NIPBL: variants seen among roughly 807,000 people sequenced by gnomAD.
NIPBL encodes NIPBL cohesin loading factor.
NIPBL carries 19 observed loss-of-function variants against 321.8 expected under a neutral mutation model. The observed-to-expected ratio is 0.06, with a 90% CI of 0.04 to 0.09. The LOEUF is 0.09. Ranked by LOEUF, NIPBL falls within the 10% of genes least tolerant of loss-of-function variation. The pLI is 1.00. For missense variants in NIPBL, 2,210 were observed against 3,327.0 expected (o/e 0.66, Z 8.26); for synonymous variants, 1,106 against 1,114.1 (o/e 0.99, Z 0.14).
intron 46 of NIPBL, 119 bp downstream of exon 46, chr5:37,064,097 C>T: frequency 1.4e-6 from 2 of 1,468,824 alleles, no homozygotes; most frequent in Non-Finnish European, 1.8e-6. Flanking sequence ...AAAGAGAAAA[C>T]ATTTTGTAGA....
chr5:37,008,128 TA>T, intron 19 of NIPBL, 40 bp downstream of exon 19: 2 of 1,270,932 alleles, frequency 1.6e-6, no homozygotes, highest in Non-Finnish European at 2.3e-6. Flanking sequence ...ACCCCACAAA[TA>T]AAACAATATT....
chr5:36,952,583 G>A (rs1740513989), intron 1 of NIPBL, among the ~76,000 whole-genome samples: 1 of 152,100 alleles, frequency 6.6e-6, no homozygotes, highest in South Asian at 2.1e-4. Flanking sequence ...AAAAATTTGG[G>A]GGCTTGGAAC....
intron 11 of NIPBL, among the ~76,000 whole-genome samples, chr5:36,997,919 A>G (rs1031040915): frequency 6.6e-6 from 1 of 152,208 alleles, no homozygotes; most frequent in African/African-American, 2.4e-5. Context: ...AGTTTAATCA[A>G]ATTGGTTTCT....
At chr5:37,006,819 C>G (rs1203348438) in intron 17 of NIPBL, among the ~76,000 whole-genome samples, 1 of 151,770 alleles carries the variant, frequency 6.6e-6, no homozygotes, top group Non-Finnish European at 1.5e-5. Context: ...AAAATACTAC[C>G]TTCTGGTTTC....
Position 36,985,705 on chromosome 5 carries a change from G to T in NIPBL, c.2525G>T (p.Arg842Ile), listed in dbSNP as rs1188866520. 3.1e-6 allele frequency: 5 copies of T among 1,613,710 alleles called. No homozygotes were observed. The highest frequency in any genetic ancestry group is 4.2e-6 in the Non-Finnish European group (5 of 1,179,950). Residue 842 changes from arginine to isoleucine, a missense_variant, in exon 10 of 47, where the codon AGA becomes ATA. Physicochemically the swap from Arg to Ile is moderately conservative, Grantham distance 97 (BLOSUM62 -3). This residue lies in a region of NIPBL where 588 missense variants were observed against 564.1 expected (regional missense o/e 1.04). Coordinates refer to ENST00000282516, the MANE Select transcript of NIPBL (RefSeq NM_133433.4). ...CGAGGGGATCAGTCTAGGGTTCGAA[G>T]ACCAGAAACATTGAGATCCTCTAGT... The part of the protein sequence containing the change: ...RHRGDQSRVR[R>I]PETLRSSSRN...
intron 38 of NIPBL, 49 bp from the exon 39 acceptor site, chr5:37,048,449 TTTTA>T (rs1193958587): frequency 1.2e-5 from 13 of 1,112,244 alleles, no homozygotes; most frequent in Admixed American, 7.8e-5. Flanking sequence ...TTATTAAATG[TTTTA>T]TTTAATTTTA....
chr5:37,036,355 ATATATATATATATG>A lies in NIPBL; in HGVS notation c.5863-15_5863-2del. 1.4e-5 allele frequency: 7 copies of A among 513,906 alleles called. No individual in the cohort carries two copies. Among genetic ancestry groups the A allele is most frequent in the Non-Finnish European group, 2.0e-5 (7 of 341,994 alleles). The allele number at this position is 513,906 out of a possible 1,614,324, so 31.8% of individuals were successfully genotyped here. ...TTTTTGTATATATATATGTATATAT[ATATATATATATATG>A]TATATATAGTTGTTGAAGTCCGAAG... is the stretch of plus-strand genomic sequence containing the variant. On this transcript the variant is annotated splice_polypyrimidine_tract_variant and intron_variant, in intron 32 of 46. Transcript: ENST00000282516.
chr5:36,916,654 C>G (rs1262749652), intron 1 of NIPBL, among the ~76,000 whole-genome samples: 1 of 152,064 alleles, frequency 6.6e-6, no homozygotes, highest in Non-Finnish European at 1.5e-5. Context: ...TCCCCACTCC[C>G]CCCACCCCAC....
chr5:36,917,752 T>G (rs1748585793), intron 1 of NIPBL, among the ~76,000 whole-genome samples: 1 of 152,198 alleles, frequency 6.6e-6, no homozygotes, highest in South Asian at 2.1e-4. Context: ...GGCTAGCCAG[T>G]TTTCCCAGCA....
chr5:37,003,729 A>G (rs887706252), intron 16 of NIPBL, among the ~76,000 whole-genome samples: 2 of 152,172 alleles, frequency 1.3e-5, no homozygotes, highest in Non-Finnish European at 2.9e-5. Context: ...CGTTAATTTG[A>G]GCATGTTACC....
In NIPBL at chr5:36,976,095, C is replaced by T. The variant is rs1443204238; in HGVS notation, c.1188C>T (p.Tyr396=). Residue 396 remains tyrosine, a synonymous_variant, in exon 9 of 47, where the codon TAC becomes TAT. Transcript: ENST00000282516. ...SENDIPFNVQ[Y]PGQTSKTPIT... is the part of the protein sequence containing the mutation. ...ATGATATTCCTTTTAATGTGCAGTA[C>T]CCAGGACAGACTTCAAAAACACCCA... The T allele has an allele frequency of 6.2e-7, 1 of 1,613,916 alleles. No homozygotes were observed. The highest frequency in any genetic ancestry group is 8.5e-7 in the Non-Finnish European group (1 of 1,179,886).
intron 6 of NIPBL, among the ~76,000 whole-genome samples, chr5:36,966,175 T>C (rs1742182310): frequency 6.6e-6 from 1 of 152,130 alleles, no homozygotes. Context: ...ATCTAGCTTT[T>C]CACACATTGC....
chr5:37,017,281 A>C, intron 24 of NIPBL, 119 bp downstream of exon 24: 1 of 1,047,450 alleles, frequency 9.5e-7, no homozygotes, highest in Non-Finnish European at 1.4e-6. Context: ...TACTTCTAAA[A>C]GTGGGCTTTT....
At chr5:36,964,167 A>G (rs1288166252) in intron 6 of NIPBL, among the ~76,000 whole-genome samples, 1 of 152,132 alleles carries the variant, frequency 6.6e-6, no homozygotes, top group Non-Finnish European at 1.5e-5. Context: ...CTAAATAAAA[A>G]AATTTAGTCA....
At chr5:36,878,018 G>C (rs1188935550) in intron 1 of NIPBL, among the ~76,000 whole-genome samples, 2 of 152,200 alleles carry the variant, frequency 1.3e-5, no homozygotes, top group Non-Finnish European at 2.9e-5. Context: ...GCAGTTTTAA[G>C]CGACTATACG....
At chr5:36,908,266 T>A in intron 1 of NIPBL, among the ~76,000 whole-genome samples, 1 of 152,188 alleles carries the variant, frequency 6.6e-6, no homozygotes, top group East Asian at 1.9e-4. Context: ...GCTTAAACAT[T>A]CTTTAAGTCT....
At chr5:37,059,611 A>T (rs1393175088) in intron 44 of NIPBL, among the ~76,000 whole-genome samples, 1 of 152,202 alleles carries the variant, frequency 6.6e-6, no homozygotes, top group Non-Finnish European at 1.5e-5. Flanking sequence ...ATTGCTGGAT[A>T]GTATTCTATT....
intron 40 of NIPBL, among the ~76,000 whole-genome samples, chr5:37,049,957 A>T (rs1753358114): frequency 6.6e-6 from 1 of 152,134 alleles, no homozygotes; most frequent in Non-Finnish European, 1.5e-5. Context: ...TAAAAATATG[A>T]TTTATTTAAA....
chr5:37,001,885 G>C (rs927357085), intron 14 of NIPBL, among the ~76,000 whole-genome samples: 1 of 152,126 alleles, frequency 6.6e-6, no homozygotes, highest in Non-Finnish European at 1.5e-5. Flanking sequence ...GTAAGTATTT[G>C]TTTTGTGAGA....
Sources: allele counts gnomAD v4.1 joint callset (sites outside exome capture counted in the v4.1 genomes callset), GRCh38; gene constraint gnomAD v4.1.1; regional missense constraint gnomAD v4.1.1; transcripts MANE v1.5; gene names NCBI Gene and HGNC (gene_info 2026-07-23, HGNC 2026-07-21).